NXNL2: variants seen among roughly 807,000 people sequenced by gnomAD.
The protein encoded by NXNL2 is nucleoredoxin like 2, also known as nucleoredoxin-like protein 2.
A neutral mutation model predicts 11.1 loss-of-function variants in NXNL2; 7 were observed. The ratio of observed to expected loss-of-function variants is 0.63; its 90% CI spans 0.36 to 1.18. The LOEUF (loss-of-function observed/expected upper bound fraction) is 1.18, where lower values mean the gene tolerates loss of function less well. Ranked by LOEUF, NXNL2 falls within the 50% of genes most tolerant of loss-of-function variation. The probability of loss-of-function intolerance (pLI) is 0.02; values close to 1 mark genes in which losing one functional copy is unlikely to be tolerated. For synonymous variants in NXNL2, 109 were observed against 101.8 expected (o/e 1.07, Z -0.42); for missense variants, 233 against 217.7 (o/e 1.07, Z -0.44).
chr9:88,578,366 G>T (rs913418391), downstream of NXNL2, among the ~76,000 whole-genome samples: 1 of 152,226 alleles, frequency 6.6e-6, no homozygotes, highest in African/African-American at 2.4e-5. Flanking sequence ...ACCTGGTCAG[G>T]ATCTTTGCAG....
In NXNL2 at chr9:88,536,547, CACCCCCTTCTAGGT is replaced by C. The variant is rs374534865; in HGVS notation, c.302+815_302+828del. Among the ~76,000 whole-genome samples, 141 of 152,146 alleles carry C rather than the reference CACCCCCTTCTAGGT, an allele frequency of 9.3e-4. 1 individual carries two copies. The highest frequency in any genetic ancestry group is 1.5e-3 in the Non-Finnish European group (105 of 68,020). On this transcript the variant is annotated intron_variant, in intron 1 of 1. Coordinates refer to ENST00000375854, the MANE Select transcript of NXNL2 (RefSeq NM_001161625.2). ...GCCTCGTCAAGTATGTTGTCCTGGC[CACCCCCTTCTAGGT>C]ACCAATGTGAATTTCTGGGTTTTGC... is the stretch of plus-strand genomic sequence containing the variant.
At chr9:88,570,830 C>A (rs1830250418) in intron 1 of NXNL2, among the ~76,000 whole-genome samples, 1 of 151,970 alleles carries the variant, frequency 6.6e-6, no homozygotes, top group African/African-American at 2.4e-5. Flanking sequence ...GAAACTTCCG[C>A]CTCCTGGGTT....
At chr9:88,577,645 G>GAGAA (rs761427531), downstream of NXNL2, among the ~76,000 whole-genome samples, 1 of 148,034 alleles carries the variant, frequency 6.8e-6, no homozygotes, top group African/African-American at 2.5e-5. Context: ...GAGAGAGAGA[G>GAGAA]AAGAGAGCGA....
intron 1 of NXNL2, among the ~76,000 whole-genome samples, chr9:88,552,167 G>A (rs1041196699): frequency 2.6e-5 from 4 of 152,062 alleles, no homozygotes; most frequent in African/African-American, 4.8e-5. Context: ...CCCAGATCAC[G>A]CTTGTGTGTC....
chr9:88,567,011 T>TCTATCTAG (rs1830184616), intron 1 of NXNL2, among the ~76,000 whole-genome samples: 1 of 136,576 alleles, frequency 7.3e-6, no homozygotes, highest in African/African-American at 2.5e-5. Context: ...TATCTATCTA[T>TCTATCTAG]CTATCTATCA....
intron 1 of NXNL2, among the ~76,000 whole-genome samples, chr9:88,552,097 C>G (rs1230307921): frequency 1.3e-5 from 2 of 152,168 alleles, no homozygotes; most frequent in Non-Finnish European, 2.9e-5. Context: ...GCCACTGGCT[C>G]CCAGTCATTT....
intron 1 of NXNL2, among the ~76,000 whole-genome samples, chr9:88,569,567 A>C (rs1353200132): frequency 2.6e-5 from 4 of 152,196 alleles, no homozygotes; most frequent in African/African-American, 4.8e-5. Context: ...AATATGTCTG[A>C]TGTTTTGATA....
At chr9:88,563,441 C>T (rs1322889855) in intron 1 of NXNL2, among the ~76,000 whole-genome samples, 2 of 152,198 alleles carry the variant, frequency 1.3e-5, no homozygotes, top group East Asian at 1.9e-4. Flanking sequence ...GTCCCACACC[C>T]GGTGCTTTAG....
intron 1 of NXNL2, among the ~76,000 whole-genome samples, chr9:88,557,122 T>C (rs564004021): frequency 1.3e-5 from 2 of 151,484 alleles, no homozygotes; most frequent in Non-Finnish European, 2.9e-5. Context: ...GTTGAAATTC[T>C]GTTAAGCTTC....
chr9:88,550,778 T>C (rs1305402760), intron 1 of NXNL2, among the ~76,000 whole-genome samples: 2 of 152,240 alleles, frequency 1.3e-5, no homozygotes, highest in African/African-American at 2.4e-5. Flanking sequence ...CTGAGGTCTA[T>C]GTGCCAGTAG....
chr9:88,574,148 C>T (rs539949741), intron 2 of NXNL2, among the ~76,000 whole-genome samples: 1 of 152,242 alleles, frequency 6.6e-6, no homozygotes, highest in East Asian at 1.9e-4. Context: ...AAAACATATG[C>T]CCCAGAAAGG....
chr9:88,582,914 C>T (rs539826940), intron 1 of NXNL2, among the ~76,000 whole-genome samples: 168 of 152,272 alleles, frequency 1.1e-3, no homozygotes, highest in African/African-American at 3.7e-3. Context: ...GGGATCCTCC[C>T]GCCTTGGCCT....
intron 1 of NXNL2, among the ~76,000 whole-genome samples, chr9:88,564,274 CTATCTATCTATT>C (rs1830133246): frequency 3.8e-5 from 5 of 130,138 alleles, no homozygotes; most frequent in African/African-American, 1.5e-4. Flanking sequence ...ATCTGTCTAT[CTATCTATCTATT>C]ATCTATCTAT....
At chr9:88,546,881 A>G (rs1387123541), downstream of NXNL2, among the ~76,000 whole-genome samples, 1 of 152,208 alleles carries the variant, frequency 6.6e-6, no homozygotes. Flanking sequence ...AACATCAGGA[A>G]AAAGATTCCA....
chr9:88,550,084 C>G (rs187401705), intron 1 of NXNL2, among the ~76,000 whole-genome samples: 1 of 152,282 alleles, frequency 6.6e-6, no homozygotes, highest in African/African-American at 2.4e-5. Flanking sequence ...TCCCAAAGGT[C>G]TGGGATTACA....
At chr9:88,535,832 C>T in intron 1 of NXNL2, 96 bp downstream of exon 1, 2 of 837,124 alleles carry the variant, frequency 2.4e-6, no homozygotes, top group Non-Finnish European at 3.4e-6. Flanking sequence ...CTTTATGACG[C>T]CCCCCCCCAA....
intron 1 of NXNL2, among the ~76,000 whole-genome samples, chr9:88,564,166 G>A (rs1830129016): frequency 6.7e-6 from 1 of 149,736 alleles, no homozygotes; most frequent in African/African-American, 2.5e-5. Context: ...AGCTGAGATT[G>A]CACCATTGCA....
chr9:88,570,534 C>A (rs1349314848), intron 1 of NXNL2, among the ~76,000 whole-genome samples: 1 of 152,190 alleles, frequency 6.6e-6, no homozygotes, highest in African/African-American at 2.4e-5. Flanking sequence ...AGTTTGTTTA[C>A]CTCATCATGC....
downstream of NXNL2, chr9:88,575,801 A>C (rs916751847): frequency 6.6e-6 from 1 of 152,216 alleles, no homozygotes; most frequent in Non-Finnish European, 1.5e-5. Context: ...GAATACTCCG[A>C]TTCTTCATTA....
Sources: allele counts gnomAD v4.1 joint callset (sites outside exome capture counted in the v4.1 genomes callset), GRCh38; gene constraint gnomAD v4.1.1; transcripts MANE v1.5; gene names NCBI Gene and HGNC (gene_info 2026-07-23, HGNC 2026-07-21).